The following PDE4B variants were observed in gnomAD, a reference collection of about 807,000 sequenced individuals.
The protein encoded by PDE4B is phosphodiesterase 4B, also known as 3',5'-cyclic-AMP phosphodiesterase 4B.
In PDE4B, 20 loss-of-function variants were observed where a neutral mutation model predicts 82.2. The observed-to-expected ratio is 0.24, with a 90% CI of 0.17 to 0.35. The LOEUF (loss-of-function observed/expected upper bound fraction) is 0.35. Ranked by LOEUF, PDE4B falls within the 10% of genes least tolerant of loss-of-function variation. The pLI, the probability that PDE4B is intolerant of heterozygous loss-of-function variation, is 1.00. For synonymous variants in PDE4B, 320 were observed against 318.9 expected (o/e 1.00, Z -0.04); for missense variants, 655 against 907.2 (o/e 0.72, Z 3.57).
chr1:66,227,168 A>G (rs1055723376), intron 3 of PDE4B, among the ~76,000 whole-genome samples: 2 of 152,236 alleles, frequency 1.3e-5, no homozygotes, highest in Non-Finnish European at 2.9e-5. Context: ...TCTAAGATGC[A>G]TACGAGACAT....
chr1:66,340,004 A>T (rs1178214289), intron 8 of PDE4B, among the ~76,000 whole-genome samples: 23 of 152,216 alleles, frequency 1.5e-4, no homozygotes, highest in Admixed American at 1.4e-3. Flanking sequence ...CAACAAGTGG[A>T]GATAGCTCAG....
In PDE4B at chr1:66,184,405, T is replaced by C. The variant is rs1647137294; in HGVS notation, c.282-63055T>C. ...TCCAGAAATGAGAATATGGCAATCA[T>C]AGACAAACTCTCTGCCTTTATAGGT... is the stretch of plus-strand genomic sequence containing the variant. On this transcript the variant is annotated intron_variant, in intron 3 of 16. Coordinates refer to ENST00000341517, the MANE Select transcript of PDE4B (RefSeq NM_002600.4). Among the ~76,000 whole-genome samples the C allele has an allele frequency of 2.0e-5, 3 of 152,186 alleles. No homozygotes were observed. In the South Asian group the frequency reaches 6.2e-4, roughly 31 times the overall value.
intron 16 of PDE4B, 75 bp from the exon 17 acceptor site, chr1:66,372,238 C>A: frequency 1.4e-6 from 2 of 1,425,080 alleles, no homozygotes; most frequent in Non-Finnish European, 1.9e-6. Context: ...TCTTTCTTTG[C>A]ATGGAAACCA....
At chr1:65,940,260 A>G (rs745474010) in intron 3 of PDE4B, among the ~76,000 whole-genome samples, 2 of 152,026 alleles carry the variant, frequency 1.3e-5, no homozygotes, top group Non-Finnish European at 2.9e-5. Context: ...AGAGCCTGGT[A>G]TATCTTCATA....
intron 3 of PDE4B, among the ~76,000 whole-genome samples, chr1:66,024,528 T>C (rs576309075): frequency 8.0e-4 from 122 of 152,280 alleles, no homozygotes; most frequent in African/African-American, 2.8e-3. Flanking sequence ...ATTTTTCCAG[T>C]TTCTTTCCAA....
At chr1:66,040,386 A>G (rs1231947713) in intron 3 of PDE4B, among the ~76,000 whole-genome samples, 1 of 152,036 alleles carries the variant, frequency 6.6e-6, no homozygotes, top group African/African-American at 2.4e-5. Flanking sequence ...GGCTGGAGGC[A>G]CAAATACATG....
At chr1:66,161,624 T>G (rs1351726591) in intron 3 of PDE4B, among the ~76,000 whole-genome samples, 1 of 152,134 alleles carries the variant, frequency 6.6e-6, no homozygotes, top group African/African-American at 2.4e-5. Flanking sequence ...ATTATTATTA[T>G]TTATATTTCT....
chr1:65,970,278 A>G (rs914324523), intron 3 of PDE4B, among the ~76,000 whole-genome samples: 2 of 151,558 alleles, frequency 1.3e-5, no homozygotes, highest in Admixed American at 1.3e-4. Context: ...CTATTCTTCC[A>G]TATGAAACTG....
chr1:66,238,643 T>C (rs1285727669), intron 3 of PDE4B, among the ~76,000 whole-genome samples: 1 of 151,034 alleles, frequency 6.6e-6, no homozygotes, highest in African/African-American at 2.4e-5. Flanking sequence ...AGAAAGGAGG[T>C]TGGGAAGGGA....
At chr1:65,981,024 A>C (rs545738108) in intron 3 of PDE4B, among the ~76,000 whole-genome samples, 1 of 152,306 alleles carries the variant, frequency 6.6e-6, no homozygotes, top group South Asian at 2.1e-4. Context: ...TTCACACCAA[A>C]ACACTATTTG....
chr1:66,054,272 A>G (rs1655188832), intron 3 of PDE4B, among the ~76,000 whole-genome samples: 1 of 152,194 alleles, frequency 6.6e-6, no homozygotes, highest in Admixed American at 6.6e-5. Flanking sequence ...TTAGACAGGA[A>G]CATGCATTCG....
chr1:66,084,119 TACAAGAGAG>T (rs1656882668), intron 3 of PDE4B, among the ~76,000 whole-genome samples: 2 of 152,204 alleles, frequency 1.3e-5, no homozygotes, highest in South Asian at 4.1e-4. Flanking sequence ...TTATACCTCT[TACAAGAGAG>T]ATAGAAAATA....
At chr1:66,337,455 G>A (rs1660616789) in intron 8 of PDE4B, among the ~76,000 whole-genome samples, 1 of 152,212 alleles carries the variant, frequency 6.6e-6, no homozygotes, top group African/African-American at 2.4e-5. Context: ...TAGGCCTAAG[G>A]AGTTTAACCA....
rs190457048 is a variant in PDE4B at position 66,199,450 on chromosome 1, T to C, written c.282-48010T>C. On this transcript the variant is annotated intron_variant, in intron 3 of 16. Transcript: ENST00000341517. ...GTTCATATCCTTCGCCCACTTTTTTTGTTTTGTTTGTTTGTTTGTTTTTTT... is the reference window on the plus strand; with the variant it reads ...GTTCATATCCTTCGCCCACTTTTTTCGTTTTGTTTGTTTGTTTGTTTTTTT... Among the ~76,000 whole-genome samples, 839 of 151,878 alleles carry C rather than the reference T, an allele frequency of 5.5e-3. 9 individuals carry two copies. The highest frequency in any genetic ancestry group is 0.019 in the African/African-American group (803 of 41,500).
At chr1:66,364,455 TACTCTTACTTGACAA>T (rs1394465012) in intron 12 of PDE4B, among the ~76,000 whole-genome samples, 1 of 152,190 alleles carries the variant, frequency 6.6e-6, no homozygotes, top group African/African-American at 2.4e-5. Flanking sequence ...CAGCAGGTCA[TACTCTTACTTGACAA>T]ATGAAAATGA....
intron 3 of PDE4B, among the ~76,000 whole-genome samples, chr1:66,177,327 C>T (rs1012296403): frequency 6.6e-6 from 1 of 152,112 alleles, no homozygotes; most frequent in Non-Finnish European, 1.5e-5. Context: ...TTAATATATG[C>T]CAAATGGTTA....
chr1:66,000,881 G>C (rs1169507103), intron 3 of PDE4B, among the ~76,000 whole-genome samples: 5 of 152,102 alleles, frequency 3.3e-5, no homozygotes, highest in Admixed American at 2.6e-4. Flanking sequence ...CAGTGATCTA[G>C]GAGCCATTTG....
At chr1:66,332,064 C>T in intron 7 of PDE4B, 1 of 1,092,296 alleles carries the variant, frequency 9.2e-7, no homozygotes, top group Non-Finnish European at 1.1e-6. Flanking sequence ...TGAGAAAAAG[C>T]TTTCCTCATT....
At chr1:66,312,969 A>G (rs1658772134) in intron 7 of PDE4B, among the ~76,000 whole-genome samples, 1 of 152,196 alleles carries the variant, frequency 6.6e-6, no homozygotes. Flanking sequence ...ATCACTCACA[A>G]CCTTGTGGAT....
Sources: allele counts gnomAD v4.1 joint callset (sites outside exome capture counted in the v4.1 genomes callset), GRCh38; gene constraint gnomAD v4.1.1; transcripts MANE v1.5; gene names NCBI Gene and HGNC (gene_info 2026-07-23, HGNC 2026-07-21).